ZNF385D: variants seen among roughly 807,000 people sequenced by gnomAD.
ZNF385D encodes the protein zinc finger protein 385D.
Under a neutral mutation model 35.8 loss-of-function variants are expected in ZNF385D, and 15 were observed. That is an observed-to-expected ratio of 0.42 (90% CI 0.28 to 0.64). The LOEUF (loss-of-function observed/expected upper bound fraction) is 0.64. Ranked by LOEUF, ZNF385D falls within the 30% of genes least tolerant of loss-of-function variation. ZNF385D has a pLI of 0.23. For missense variants in ZNF385D, 474 were observed against 494.6 expected (o/e 0.96, Z 0.39); for synonymous variants, 212 against 186.8 (o/e 1.13, Z -1.10).
At chr3:21,762,089 G>T (rs1044380111) in intron 3 of ZNF385D, among the ~76,000 whole-genome samples, 5 of 151,960 alleles carry the variant, frequency 3.3e-5, no homozygotes, top group South Asian at 2.1e-4. Flanking sequence ...ATATTGGCCA[G>T]GATGGTCTCG....
chr3:21,892,154 T>C (rs751679930), intron 3 of ZNF385D, among the ~76,000 whole-genome samples: 1 of 152,174 alleles, frequency 6.6e-6, no homozygotes, highest in Non-Finnish European at 1.5e-5. Context: ...CTACAAGCAA[T>C]GGAAATTAAA....
At chr3:22,049,302 T>C (rs1398614782) in intron 3 of ZNF385D, among the ~76,000 whole-genome samples, 1 of 149,494 alleles carries the variant, frequency 6.7e-6, no homozygotes, top group Non-Finnish European at 1.5e-5. Context: ...ATCTCAAAAA[T>C]AAAATAAAAT....
chr3:21,613,835 A>C (rs1168669801), intron 2 of ZNF385D, among the ~76,000 whole-genome samples: 1 of 152,262 alleles, frequency 6.6e-6, no homozygotes, highest in Non-Finnish European at 1.5e-5. Context: ...TTACTTGAGC[A>C]ATCACTGCCA....
chr3:21,811,406 T>A (rs1575693883), intron 3 of ZNF385D, among the ~76,000 whole-genome samples: 1 of 152,172 alleles, frequency 6.6e-6, no homozygotes, highest in East Asian at 1.9e-4. Context: ...ACTATTATAG[T>A]CAGGTCAAAA....
At chr3:22,030,132 C>A (rs976400113) in intron 3 of ZNF385D, among the ~76,000 whole-genome samples, 6 of 151,018 alleles carry the variant, frequency 4.0e-5, no homozygotes, top group Non-Finnish European at 8.8e-5. Flanking sequence ...GCTTCCTGCT[C>A]TTGAACATCA....
At chr3:22,112,586 T>C (rs1368024238) in intron 3 of ZNF385D, among the ~76,000 whole-genome samples, 5 of 152,152 alleles carry the variant, frequency 3.3e-5, no homozygotes, top group Non-Finnish European at 5.9e-5. Context: ...GTAAGTGTTA[T>C]GACTTAGTAT....
At chr3:21,853,914 A>T (rs2125815875) in intron 3 of ZNF385D, among the ~76,000 whole-genome samples, 1 of 152,026 alleles carries the variant, frequency 6.6e-6, no homozygotes, top group East Asian at 1.9e-4. Context: ...AATAATAGAA[A>T]TGAGAAGAGT....
intron 3 of ZNF385D, among the ~76,000 whole-genome samples, chr3:22,160,601 A>T (rs1295603474): frequency 6.6e-6 from 1 of 152,126 alleles, no homozygotes; most frequent in Non-Finnish European, 1.5e-5. Flanking sequence ...CTAGAAATTA[A>T]AATTCTATTT....
At chr3:21,828,974 G>C (rs1694826904) in intron 3 of ZNF385D, among the ~76,000 whole-genome samples, 1 of 151,992 alleles carries the variant, frequency 6.6e-6, no homozygotes, top group African/African-American at 2.4e-5. Context: ...CTCTTACAAG[G>C]ACCCTTAAGG....
chr3:21,841,983 T>C (rs1014310607), intron 3 of ZNF385D, among the ~76,000 whole-genome samples: 1 of 151,640 alleles, frequency 6.6e-6, no homozygotes. Flanking sequence ...TGAATCTATA[T>C]AATTGAAAAT....
At chr3:22,107,385 A>AT (rs1702281365) in intron 3 of ZNF385D, among the ~76,000 whole-genome samples, 2 of 152,084 alleles carry the variant, frequency 1.3e-5, no homozygotes, top group South Asian at 4.2e-4. Flanking sequence ...AATTTTCTAG[A>AT]TTTTTTTCTG....
intron 3 of ZNF385D, among the ~76,000 whole-genome samples, chr3:22,049,936 C>G (rs1328503313): frequency 6.6e-6 from 1 of 152,140 alleles, no homozygotes; most frequent in Non-Finnish European, 1.5e-5. Context: ...CTATGTTTAT[C>G]AGGAATAATG....
intron 3 of ZNF385D, among the ~76,000 whole-genome samples, chr3:21,975,762 C>CAA (rs1215400502): frequency 8.1e-6 from 1 of 123,446 alleles, no homozygotes. Context: ...TATACACACA[C>CAA]TATGGTATCC....
intron 2 of ZNF385D, among the ~76,000 whole-genome samples, chr3:22,314,892 T>C (rs1326507143): frequency 1.3e-5 from 2 of 152,110 alleles, no homozygotes; most frequent in South Asian, 2.1e-4. Context: ...GGTAGAGGGA[T>C]TGTGCAACAA....
At chr3:21,919,600 A>G (rs759309341) in intron 3 of ZNF385D, among the ~76,000 whole-genome samples, 14 of 152,234 alleles carry the variant, frequency 9.2e-5, no homozygotes, top group Non-Finnish European at 1.5e-4. Context: ...CATGATTCAC[A>G]TGCATATTAA....
intron 3 of ZNF385D, among the ~76,000 whole-genome samples, chr3:22,030,291 A>ATATATATATATC (rs1697901474): frequency 8.8e-6 from 1 of 113,676 alleles, no homozygotes; most frequent in Non-Finnish European, 1.7e-5. Flanking sequence ...ATATATATAT[A>ATATATATATATC]TATATATATA....
At chr3:21,923,535 C>T (rs1700580297) in intron 3 of ZNF385D, among the ~76,000 whole-genome samples, 1 of 152,078 alleles carries the variant, frequency 6.6e-6, no homozygotes, top group South Asian at 2.1e-4. Flanking sequence ...ACAAATCATT[C>T]TATCAAAAAC....
At chr3:21,862,743 G>C (rs891442122) in intron 3 of ZNF385D, among the ~76,000 whole-genome samples, 32 of 152,152 alleles carry the variant, frequency 2.1e-4, no homozygotes, top group African/African-American at 7.0e-4. Context: ...GCTCCTTATA[G>C]AAGTTCTTTT....
chr3:22,106,401 C>CAA (rs75876966), intron 3 of ZNF385D, among the ~76,000 whole-genome samples: 148 of 152,024 alleles, frequency 9.7e-4, no homozygotes, highest in African/African-American at 3.5e-3. Context: ...GCTGAAAGGA[C>CAA]AAAAAAATCT....
Sources: allele counts gnomAD v4.1 joint callset (sites outside exome capture counted in the v4.1 genomes callset), GRCh38; gene constraint gnomAD v4.1.1; transcripts MANE v1.5; gene names NCBI Gene and HGNC (gene_info 2026-07-23, HGNC 2026-07-21).